DLST: variants seen among roughly 807,000 people sequenced by gnomAD.
DLST encodes the protein dihydrolipoamide S-succinyltransferase.
Under a neutral mutation model 53.1 loss-of-function variants are expected in DLST, and 17 were observed. That is an observed-to-expected ratio of 0.32 (90% CI 0.22 to 0.48). The LOEUF is 0.48. DLST is among the 20% of genes least tolerant of loss of function. The pLI, the probability that DLST is intolerant of heterozygous loss-of-function variation, is 0.99. For missense variants in DLST, 512 were observed against 583.9 expected (o/e 0.88, Z 1.27); for synonymous variants, 206 against 204.8 (o/e 1.01, Z -0.05).
chr14:74,881,965 A>G lies in DLST; in HGVS notation c.12A>G (p.Arg4=), dbSNP rs373129809. Reference sequence around the variant, plus strand: ...GCTCCTCCGCCGTGATGCTGTCCCGATCCCGCTGTGTGTCTCGGGCGTTCA... The same window carrying G: ...GCTCCTCCGCCGTGATGCTGTCCCGGTCCCGCTGTGTGTCTCGGGCGTTCA... MLS[R]SRCVSRAFSR... The change falls in exon 1 of 15, where the codon CGA becomes CGG. Residue 4 remains arginine (R), a synonymous_variant. Coordinates refer to ENST00000334220, the MANE Select transcript of DLST (RefSeq NM_001933.5). 330 of 1,558,652 alleles carry G rather than the reference A, an allele frequency of 2.1e-4. No individual in the cohort carries two copies. Among genetic ancestry groups the G allele is most frequent in the Non-Finnish European group, 2.5e-4 (292 of 1,160,218 alleles).
chr14:74,891,028 A>ACTTCCTCCATCTGT, intron 6 of DLST, 28 bp from the exon 7 acceptor site: 1 of 1,599,066 alleles, frequency 6.3e-7, no homozygotes, highest in East Asian at 2.2e-5. Context: ...AAACATTTGG[A>ACTTCCTCCATCTGT]CTTCCTCCAT....
intron 7 of DLST, 95 bp from the exon 8 acceptor site, chr14:74,892,739 T>TAGA: frequency 7.8e-7 from 1 of 1,275,366 alleles, no homozygotes; most frequent in Non-Finnish European, 1.1e-6. Flanking sequence ...AGACATTCGT[T>TAGA]ACTTGATTGG....
chr14:74,902,124 G>A (rs1884269450), intron 14 of DLST, 72 bp from the exon 15 acceptor site: 1 of 1,446,930 alleles, frequency 6.9e-7, no homozygotes, highest in Non-Finnish European at 9.2e-7. Context: ...CTTATGGGCT[G>A]TGCTAAATCT....
At chr14:74,889,457 C>T (rs1392773455) in intron 5 of DLST, 108 bp downstream of exon 5, 5 of 897,218 alleles carry the variant, frequency 5.6e-6, no homozygotes, top group South Asian at 3.4e-5. Flanking sequence ...CAGCCTCTGC[C>T]TCCCAGGTTC....
At chr14:74,889,762 C>T (rs965962201) in intron 5 of DLST, 135 bp from the exon 6 acceptor site, 12 of 770,964 alleles carry the variant, frequency 1.6e-5, no homozygotes, top group Admixed American at 7.3e-5. Flanking sequence ...ATAGCTCTGC[C>T]GTTTTCTTTA....
At chr14:74,891,381 G>C (rs998625634) in intron 7 of DLST, 4 of 1,265,024 alleles carry the variant, frequency 3.2e-6, no homozygotes, top group Non-Finnish European at 4.0e-6. Context: ...CTTATACTCT[G>C]TTCTTTCCAT....
intron 2 of DLST, among the ~76,000 whole-genome samples, chr14:74,883,066 G>A (rs10142822): frequency 0.13 from 20,434 of 151,976 alleles, 2,011 homozygotes; most frequent in African/African-American, 0.28. Context: ...AGGCTGAGGC[G>A]GGCGGATCAC....
At chr14:74,882,775 C>T (rs562255128) in intron 2 of DLST, 151 bp downstream of exon 2, 2 of 727,998 alleles carry the variant, frequency 2.7e-6, no homozygotes, top group South Asian at 3.2e-5. Flanking sequence ...CACGAGCTAT[C>T]GCTTATTCAT....
At chr14:74,899,013 T>C (rs1175828511) in intron 11 of DLST, among the ~76,000 whole-genome samples, 2 of 152,236 alleles carry the variant, frequency 1.3e-5, no homozygotes, top group Non-Finnish European at 2.9e-5. Flanking sequence ...GCACTTTGTT[T>C]TCCTGTTGAC....
intron 10 of DLST, 27 bp downstream of exon 10, chr14:74,894,436 C>G: frequency 6.2e-7 from 1 of 1,604,646 alleles, no homozygotes; most frequent in South Asian, 1.1e-5. Context: ...CTCTTATCCC[C>G]TAGGCCCCTT....
At chr14:74,883,313 A>G (rs1168673516) in intron 2 of DLST, among the ~76,000 whole-genome samples, 1 of 151,750 alleles carries the variant, frequency 6.6e-6, no homozygotes, top group African/African-American at 2.4e-5. Flanking sequence ...AAAAAAAAAA[A>G]AGTTATGGCT....
chr14:74,885,013 T>G (rs1480792553), intron 2 of DLST, among the ~76,000 whole-genome samples: 1 of 152,036 alleles, frequency 6.6e-6, no homozygotes, highest in Non-Finnish European at 1.5e-5. Flanking sequence ...GCATGGGAAG[T>G]CAATAAACTG....
chr14:74,891,739 CTA>C, intron 7 of DLST: 7 of 984,860 alleles, frequency 7.1e-6, no homozygotes, highest in Non-Finnish European at 8.4e-6. Context: ...ACTAAAAAGT[CTA>C]TTTCTTTTTC....
At chr14:74,889,171 T>C (rs911829574) in intron 4 of DLST, 24 bp downstream of exon 4, 29 of 1,613,416 alleles carry the variant, frequency 1.8e-5, no homozygotes, top group Non-Finnish European at 2.5e-5. Flanking sequence ...TTCTTGGGAA[T>C]GGAATTTTAT....
At position 74,894,417 on chromosome 14, in the gene DLST, C is replaced by T. The variant is rs1884011803; in HGVS notation, c.770+8C>T. The T allele has an allele frequency of 1.2e-6, 2 of 1,613,692 alleles. No individual in the cohort carries two copies. On this transcript the variant is annotated splice_region_variant and intron_variant, in intron 10 of 14. Transcript: ENST00000334220. ...TAATGAGATTGACATGAGGTAGTGT[C>T]TCTAGTCCCTCTTATCCCCTAGGCC...
At chr14:74,895,154 CACTT>C (rs1054321178) in intron 10 of DLST, among the ~76,000 whole-genome samples, 10 of 152,140 alleles carry the variant, frequency 6.6e-5, no homozygotes, top group Admixed American at 2.0e-4. Flanking sequence ...TTGACCCCGT[CACTT>C]ACATATTTTC....
chr14:74,890,952 A>G (rs1566791482), intron 6 of DLST, 104 bp from the exon 7 acceptor site: 4 of 1,444,432 alleles, frequency 2.8e-6, no homozygotes, highest in Non-Finnish European at 2.8e-6. Flanking sequence ...TGCTGGGACT[A>G]CAGGCATGAG....
At chr14:74,892,685 T>C (rs1883949581) in intron 7 of DLST, 149 bp from the exon 8 acceptor site, 7 of 734,096 alleles carry the variant, frequency 9.5e-6, no homozygotes, top group East Asian at 2.6e-5. Context: ...CTTATGTCAT[T>C]GTGTGTGTGT....
intron 10 of DLST, 134 bp downstream of exon 10, chr14:74,894,543 G>GTT (rs1884016075): frequency 8.8e-6 from 9 of 1,018,104 alleles, no homozygotes; most frequent in Non-Finnish European, 1.3e-5. Flanking sequence ...TTTTTTGTTT[G>GTT]TTTGTTTTTG....
Sources: gnomAD v4.1 joint callset for allele counts (sites outside exome capture counted in the v4.1 genomes callset) on GRCh38, gnomAD v4.1.1 for gene constraint, MANE v1.5 for transcripts, NCBI Gene and HGNC (gene_info 2026-07-23, HGNC 2026-07-21) for gene names.